The following BACH2 variants were observed in gnomAD, a reference collection of about 807,000 sequenced individuals.
The protein encoded by BACH2 is transcription regulator protein BACH2.
In BACH2, 5 loss-of-function variants were observed where a neutral mutation model predicts 61.8. That is an observed-to-expected ratio of 0.08 (90% CI 0.04 to 0.17). BACH2 has a LOEUF of 0.17. Ranked by LOEUF, BACH2 falls within the 10% of genes least tolerant of loss-of-function variation. BACH2 has a pLI of 1.00. For missense variants in BACH2, 824 were observed against 1,091.1 expected (o/e 0.76, Z 3.45); for synonymous variants, 446 against 440.1 (o/e 1.01, Z -0.17).
chr6:90,239,798 TACACACAC>T (rs59169449), intron 3 of BACH2, among the ~76,000 whole-genome samples: 2,985 of 132,254 alleles, frequency 0.023, 58 homozygotes, highest in African/African-American at 0.059. Context: ...GGGGGGGGAA[TACACACAC>T]ACACACACAC....
rs1425708859 is a variant in BACH2 at position 89,979,313 on chromosome 6, A to AC, written c.244-27452dup. 3.9e-4 allele frequency among the ~76,000 whole-genome samples: 59 copies of AC among 152,180 alleles called. 1 individual carries two copies. Among genetic ancestry groups the AC allele is most frequent in the African/African-American group, 1.4e-3 (56 of 41,440 alleles). ...ATGATCTCTTTCATTTATTTGACAA[A>AC]CATTCACCAAATGGCTATTGTGTTG... is the stretch of plus-strand genomic sequence containing the variant. On this transcript the variant is annotated intron_variant, in intron 6 of 8. Transcript: ENST00000257749.
At chr6:90,245,575 T>C (rs1409555265) in intron 3 of BACH2, among the ~76,000 whole-genome samples, 1 of 152,212 alleles carries the variant, frequency 6.6e-6, no homozygotes, top group East Asian at 1.9e-4. Flanking sequence ...GAAGAATTTT[T>C]TAAATTTAAA....
At chr6:90,230,682 T>C (rs1393067024) in intron 3 of BACH2, among the ~76,000 whole-genome samples, 2 of 152,132 alleles carry the variant, frequency 1.3e-5, no homozygotes, top group African/African-American at 4.8e-5. Flanking sequence ...AAAGTTATGA[T>C]GGGAATGTGG....
At chr6:90,059,109 A>C (rs7454241) in intron 5 of BACH2, among the ~76,000 whole-genome samples, 3,270 of 130,934 alleles carry the variant, frequency 0.025, 77 homozygotes, top group African/African-American at 0.079. Flanking sequence ...GCAACAAAAG[A>C]CAAAATTGAC....
At chr6:90,152,558 A>G (rs1351718416) in intron 4 of BACH2, among the ~76,000 whole-genome samples, 1 of 152,206 alleles carries the variant, frequency 6.6e-6, no homozygotes. Flanking sequence ...GTACATTCAC[A>G]TTTCTGAGAA....
At chr6:90,116,711 A>G in intron 4 of BACH2, 1 of 385,156 alleles carries the variant, frequency 2.6e-6, no homozygotes. Flanking sequence ...GGGGAAGACC[A>G]GGTCCACACT....
intron 4 of BACH2, among the ~76,000 whole-genome samples, chr6:90,203,428 T>G (rs1268753979): frequency 6.9e-6 from 1 of 145,480 alleles, no homozygotes; most frequent in African/African-American, 2.5e-5. Context: ...AGTTAAATTC[T>G]AATTATGAAG....
chr6:89,985,040 T>C (rs1776161527), intron 6 of BACH2, among the ~76,000 whole-genome samples: 1 of 152,204 alleles, frequency 6.6e-6, no homozygotes, highest in African/African-American at 2.4e-5. Context: ...GCCGTGCCTT[T>C]CCTATTTTCC....
chr6:90,159,999 A>G (rs972242827), intron 4 of BACH2, among the ~76,000 whole-genome samples: 5 of 152,250 alleles, frequency 3.3e-5, no homozygotes, highest in African/African-American at 4.8e-5. Flanking sequence ...TGCTCTTGAC[A>G]TCTGCTGATA....
At chr6:90,148,136 C>T (rs1166039664) in intron 4 of BACH2, among the ~76,000 whole-genome samples, 1 of 152,148 alleles carries the variant, frequency 6.6e-6, no homozygotes, top group Non-Finnish European at 1.5e-5. Context: ...TAATGGCTGA[C>T]AAATAGTGAA....
At chr6:90,034,276 A>G (rs781702302) in intron 5 of BACH2, among the ~76,000 whole-genome samples, 2 of 152,182 alleles carry the variant, frequency 1.3e-5, no homozygotes, top group Non-Finnish European at 2.9e-5. Context: ...TCTCTTAATT[A>G]TTCTTATATG....
intron 6 of BACH2, among the ~76,000 whole-genome samples, chr6:89,981,788 G>A (rs1202017760): frequency 6.6e-6 from 1 of 152,118 alleles, no homozygotes; most frequent in Non-Finnish European, 1.5e-5. Flanking sequence ...TTTCTTGTAA[G>A]GAGTTACCTA....
intron 6 of BACH2, among the ~76,000 whole-genome samples, chr6:89,954,305 T>TA (rs1774291282): frequency 6.7e-6 from 1 of 149,692 alleles, no homozygotes; most frequent in Non-Finnish European, 1.5e-5. Context: ...TTTCTTTTTT[T>TA]TTTTATTATT....
chr6:90,078,487 C>T (rs903836693), intron 5 of BACH2, among the ~76,000 whole-genome samples: 1 of 152,134 alleles, frequency 6.6e-6, no homozygotes, highest in African/African-American at 2.4e-5. Flanking sequence ...CTATAAATGC[C>T]TGTATTCTTC....
In BACH2 at chr6:89,950,675, C is replaced by T. The variant is rs776091393; in HGVS notation, c.1431G>A (p.Ser477=). The change falls in exon 7 of 9, where the codon TCG becomes TCA. Residue 477 remains serine (S), a synonymous_variant. Coordinates refer to ENST00000257749, the MANE Select transcript of BACH2 (RefSeq NM_021813.4). This position sits in a 1 kb window ranked among gnomAD's most constrained non-coding sequence, Gnocchi z 5.3. ...WVGAGQSLPS[S]QAYSHGGLMA... is the part of the protein sequence containing the mutation. ...TCAGCCCACCGTGGGAGTAGGCCTG[C>T]GAGCTGGGGAGGGACTGGCCGGCTC... is the stretch of plus-strand genomic sequence containing the variant. 9 of 1,614,122 alleles carry T rather than the reference C, an allele frequency of 5.6e-6. No homozygotes were observed. Among genetic ancestry groups the T allele is most frequent in the Middle Eastern group, 3.3e-4 (2 of 6,062 alleles).
intron 3 of BACH2, among the ~76,000 whole-genome samples, chr6:90,214,001 G>A (rs1475492888): frequency 6.6e-6 from 1 of 152,048 alleles, no homozygotes; most frequent in East Asian, 1.9e-4. Context: ...ACACTTTTAG[G>A]TCAGCAAGGC....
chr6:90,116,803 C>T (rs1471163259), intron 4 of BACH2: 4 of 500,262 alleles, frequency 8.0e-6, no homozygotes, highest in Non-Finnish European at 1.4e-5. Flanking sequence ...TCCCTGGATA[C>T]ACTTCTATGT....
At position 89,998,195 on chromosome 6, in the gene BACH2, T is replaced by C. The variant is rs146898353; in HGVS notation, c.243+10407A>G. 1.7e-3 allele frequency among the ~76,000 whole-genome samples: 255 copies of C among 152,268 alleles called. 1 individual carries two copies. The highest frequency in any genetic ancestry group is 6.0e-3 in the African/African-American group (248 of 41,550). On this transcript the variant is annotated intron_variant, in intron 6 of 8. Coordinates refer to ENST00000257749, the MANE Select transcript of BACH2 (RefSeq NM_021813.4). ...TTTTTTTTTTCCTCCCTTGGCCAAC[T>C]TTTGGCCTTGCTTGGGAACAGCTGC... is the stretch of plus-strand genomic sequence containing the variant.
chr6:90,280,075 TCA>T (rs200708346), intron 1 of BACH2, among the ~76,000 whole-genome samples: 1,703 of 152,308 alleles, frequency 0.011, 22 homozygotes, highest in Non-Finnish European at 0.014. Context: ...TATAAAATAC[TCA>T]GACTTCAAAG....
Sources: gnomAD v4.1 joint callset for allele counts (sites outside exome capture counted in the v4.1 genomes callset) on GRCh38, gnomAD v4.1.1 for gene constraint, Gnocchi (gnomAD v3.1) non-coding constraint, MANE v1.5 for transcripts, NCBI Gene and HGNC (gene_info 2026-07-23, HGNC 2026-07-21) for gene names.